The following CAMK1D variants were observed in gnomAD, a reference collection of about 807,000 sequenced individuals.
CAMK1D encodes calcium/calmodulin-dependent protein kinase type 1D.
CAMK1D carries 9 observed loss-of-function variants against 47.7 expected under a neutral mutation model. That is an observed-to-expected ratio of 0.19 (90% CI 0.11 to 0.33). CAMK1D has a LOEUF of 0.33. CAMK1D is among the 10% of genes least tolerant of loss of function. The pLI is 1.00. For synonymous variants in CAMK1D, 184 were observed against 184.9 expected (o/e 0.99, Z 0.04); for missense variants, 291 against 488.7 (o/e 0.60, Z 3.81).
intron 1 of CAMK1D, among the ~76,000 whole-genome samples, chr10:12,431,836 C>T (rs574901560): frequency 6.6e-6 from 1 of 152,230 alleles, no homozygotes; most frequent in Non-Finnish European, 1.5e-5. Context: ...TTCTCACATC[C>T]GCAGAGGATT....
intron 2 of CAMK1D, among the ~76,000 whole-genome samples, chr10:12,615,552 TTA>T (rs992043144): frequency 1.3e-4 from 19 of 145,992 alleles, no homozygotes; most frequent in South Asian, 8.6e-4. Flanking sequence ...ACATGTGTAG[TTA>T]TGTGTGTATA....
chr10:12,490,828 A>G (rs1485131550), intron 1 of CAMK1D, among the ~76,000 whole-genome samples: 2 of 152,186 alleles, frequency 1.3e-5, no homozygotes, highest in Non-Finnish European at 2.9e-5. Context: ...AGAAATGGCA[A>G]ATGTTTGCGC....
chr10:12,370,573 C>T (rs1837974417), intron 1 of CAMK1D, among the ~76,000 whole-genome samples: 1 of 152,032 alleles, frequency 6.6e-6, no homozygotes, highest in Admixed American at 6.6e-5. Flanking sequence ...TATTGATGAT[C>T]CCGATCCTGT....
intron 2 of CAMK1D, among the ~76,000 whole-genome samples, chr10:12,571,381 G>T (rs1837318449): frequency 6.6e-6 from 1 of 150,522 alleles, no homozygotes; most frequent in Non-Finnish European, 1.5e-5. Flanking sequence ...CCTGGGAGGT[G>T]GAGGTTGCAG....
chr10:12,523,155 G>T (rs2132198439), intron 1 of CAMK1D, among the ~76,000 whole-genome samples: 1 of 151,744 alleles, frequency 6.6e-6, no homozygotes, highest in Middle Eastern at 3.4e-3. Flanking sequence ...CGGGGTCGCG[G>T]CTGGGCAGAG....
chr10:12,362,955 T>TG (rs1837721726), intron 1 of CAMK1D, among the ~76,000 whole-genome samples: 1 of 147,694 alleles, frequency 6.8e-6, no homozygotes, highest in African/African-American at 2.5e-5. Context: ...TTTTTTTTTT[T>TG]TTTGAGATAG....
intron 1 of CAMK1D, among the ~76,000 whole-genome samples, chr10:12,497,475 CAAA>C (rs56786154): frequency 4.4e-4 from 39 of 88,856 alleles, no homozygotes; most frequent in Admixed American, 1.6e-3. Context: ...GACTCCATCT[CAAA>C]AAAAAAAAAA....
intron 2 of CAMK1D, among the ~76,000 whole-genome samples, chr10:12,665,247 T>C (rs1007240946): frequency 6.6e-6 from 1 of 152,246 alleles, no homozygotes; most frequent in African/African-American, 2.4e-5. Flanking sequence ...CTACAAGCTG[T>C]AGAATTCAAA....
intron 1 of CAMK1D, among the ~76,000 whole-genome samples, chr10:12,458,087 G>A (rs890265104): frequency 6.6e-6 from 1 of 152,028 alleles, no homozygotes; most frequent in African/African-American, 2.4e-5. Flanking sequence ...AGTGAAGGTG[G>A]TTGACTGCAT....
At chr10:12,446,296 A>G (rs1049184397) in intron 1 of CAMK1D, among the ~76,000 whole-genome samples, 11 of 152,228 alleles carry the variant, frequency 7.2e-5, no homozygotes, top group African/African-American at 2.7e-4. Flanking sequence ...TCTTGATGAT[A>G]TGCTAAACAA....
In CAMK1D at chr10:12,678,155, C is replaced by T. The variant is rs151338501; in HGVS notation, c.299+11345C>T. Reference sequence around the variant, plus strand: ...TAAGCATTTATAGCTATAAATTTTCCTCTTAGCACTGCTTTTGTAGCATTC... The same window carrying T: ...TAAGCATTTATAGCTATAAATTTTCTTCTTAGCACTGCTTTTGTAGCATTC... On this transcript the variant is annotated intron_variant, in intron 3 of 10. Coordinates refer to ENST00000619168, the MANE Select transcript of CAMK1D (RefSeq NM_153498.4). Among the ~76,000 whole-genome samples, 257 of 152,062 alleles carry T rather than the reference C, an allele frequency of 1.7e-3. 1 individual carries two copies. The Middle Eastern group carries it at 0.017, about 10-fold the overall frequency.
intron 1 of CAMK1D, among the ~76,000 whole-genome samples, chr10:12,385,291 T>G (rs1193761261): frequency 6.6e-6 from 1 of 152,194 alleles, no homozygotes; most frequent in Non-Finnish European, 1.5e-5. Flanking sequence ...TATGAAAACC[T>G]GTATATGAAT....
rs185361214 is a variant in CAMK1D, at chr10:12,575,719, C to T, written c.224+22363C>T. Among the ~76,000 whole-genome samples, 341 of 152,260 alleles carry T rather than the reference C, an allele frequency of 2.2e-3. 1 individual carries two copies. Among genetic ancestry groups the T allele is most frequent in the Non-Finnish European group, 3.6e-3 (248 of 68,020 alleles). ...GACAGTCACAAGCCTGTGACTCATT[C>T]CCAGGGACCCGTGGACCCCCCAAGA... On this transcript the variant is annotated intron_variant, in intron 2 of 10. Coordinates refer to ENST00000619168, the MANE Select transcript of CAMK1D (RefSeq NM_153498.4).
At chr10:12,368,880 C>T (rs542588746) in intron 1 of CAMK1D, among the ~76,000 whole-genome samples, 150 of 152,200 alleles carry the variant, frequency 9.9e-4, no homozygotes, top group African/African-American at 3.6e-3. Flanking sequence ...TGCAGTGGCG[C>T]GATTTCGGCT....
chr10:12,828,754 T>G lies in CAMK1D; in HGVS notation c.1040-15T>G. 1 of 1,602,236 alleles carries G rather than the reference T, an allele frequency of 6.2e-7. No individual in the cohort carries two copies. The highest frequency in any genetic ancestry group is 8.5e-7 in the Non-Finnish European group (1 of 1,170,008). On this transcript the variant is annotated splice_polypyrimidine_tract_variant and intron_variant, in intron 10 of 10. Transcript: ENST00000619168. Reference sequence around the variant, plus strand: ...CCTCTGAAACTCTGAAGCCCACTTCTGCTGTTCCCTGCAGGTCTGGCACCT... The same window carrying G: ...CCTCTGAAACTCTGAAGCCCACTTCGGCTGTTCCCTGCAGGTCTGGCACCT...
chr10:12,824,114 G>A (rs1354886873), intron 8 of CAMK1D, among the ~76,000 whole-genome samples: 1 of 151,990 alleles, frequency 6.6e-6, no homozygotes, highest in East Asian at 1.9e-4. Context: ...GGGATGAGGG[G>A]GAGGGAGAAG....
chr10:12,600,931 C>G (rs1317255118), intron 2 of CAMK1D, among the ~76,000 whole-genome samples: 1 of 152,202 alleles, frequency 6.6e-6, no homozygotes, highest in African/African-American at 2.4e-5. Flanking sequence ...TCCACTTCCA[C>G]CCACCCATGT....
chr10:12,769,198 A>G (rs1836920686), intron 4 of CAMK1D, among the ~76,000 whole-genome samples: 1 of 152,170 alleles, frequency 6.6e-6, no homozygotes, highest in African/African-American at 2.4e-5. Flanking sequence ...GCCTTCATGA[A>G]GGGTGCAGTG....
intron 1 of CAMK1D, among the ~76,000 whole-genome samples, chr10:12,462,466 G>A (rs904990436): frequency 1.0e-5 from 1 of 97,616 alleles, no homozygotes; most frequent in East Asian, 2.4e-4. Flanking sequence ...GCCTGGCCAA[G>A]AATTTTTTTT....
Sources: gnomAD v4.1 joint callset for allele counts (sites outside exome capture counted in the v4.1 genomes callset) on GRCh38, gnomAD v4.1.1 for gene constraint, MANE v1.5 for transcripts, NCBI Gene and HGNC (gene_info 2026-07-23, HGNC 2026-07-21) for gene names.